CERS3: variants seen among roughly 807,000 people sequenced by gnomAD.
CERS3 encodes the protein LAG1 homolog, ceramide synthase 3.
In CERS3, 33 loss-of-function variants were observed where a neutral mutation model predicts 50.3. The ratio of observed to expected loss-of-function variants is 0.66; its 90% CI spans 0.50 to 0.88. CERS3 has a LOEUF of 0.88. Among genes scored for constraint, CERS3 ranks in the 40% least tolerant of loss-of-function variants. The pLI is 0.00. For synonymous variants in CERS3, 176 were observed against 155.2 expected, an observed-to-expected ratio of 1.13 and a Z score of -0.99; for missense variants, 470 against 460.3, an observed-to-expected ratio of 1.02 and a Z score of -0.19.
intron 11 of CERS3, among the ~76,000 whole-genome samples, chr15:100,440,628 G>C (rs888917312): frequency 6.6e-6 from 1 of 151,960 alleles, no homozygotes; most frequent in Non-Finnish European, 1.5e-5. Context: ...TGTGACTGGA[G>C]GGGGGGAACC....
At chr15:100,523,573 C>T (rs751526140) in intron 1 of CERS3, among the ~76,000 whole-genome samples, 8 of 151,682 alleles carry the variant, frequency 5.3e-5, no homozygotes, top group South Asian at 2.1e-4. Context: ...TGGTGGTGGG[C>T]GCCTGTAGTC....
chr15:100,472,628 T>C (rs2035004569), intron 9 of CERS3, among the ~76,000 whole-genome samples: 1 of 152,120 alleles, frequency 6.6e-6, no homozygotes, highest in African/African-American at 2.4e-5. Flanking sequence ...AAGATTAGAG[T>C]CCATTCCTTC....
chr15:100,449,668 A>G (rs2034080088), intron 11 of CERS3, among the ~76,000 whole-genome samples: 1 of 152,186 alleles, frequency 6.6e-6, no homozygotes. Context: ...TAATGACTAC[A>G]ATATTGCATG....
chr15:100,414,980 T>C (rs1015143618), intron 11 of CERS3, among the ~76,000 whole-genome samples: 6 of 152,066 alleles, frequency 3.9e-5, no homozygotes, highest in East Asian at 3.9e-4. Context: ...AAAGAAACTA[T>C]AACGAGAGTT....
intron 10 of CERS3, among the ~76,000 whole-genome samples, chr15:100,467,765 C>A (rs56387357): frequency 0.14 from 14,813 of 108,666 alleles, 1,184 homozygotes; most frequent in Admixed American, 0.2. Context: ...CTCTCTCTCT[C>A]TCTCTATATA....
At chr15:100,453,699 T>G (rs2034256903) in intron 11 of CERS3, among the ~76,000 whole-genome samples, 1 of 152,132 alleles carries the variant, frequency 6.6e-6, no homozygotes, top group Non-Finnish European at 1.5e-5. Context: ...GAAAAGAGGA[T>G]GTCAAATTGT....
intron 1 of CERS3, among the ~76,000 whole-genome samples, chr15:100,543,696 A>AT (rs1367243145): frequency 6.6e-6 from 1 of 151,882 alleles, no homozygotes; most frequent in Non-Finnish European, 1.5e-5. Flanking sequence ...CGCTCGGCTT[A>AT]TTTTTGTATT....
At chr15:100,404,734 T>A (rs979095652) in intron 11 of CERS3, among the ~76,000 whole-genome samples, 1 of 152,198 alleles carries the variant, frequency 6.6e-6, no homozygotes, top group African/African-American at 2.4e-5. Context: ...TATATAAAGT[T>A]ACAGTAATCC....
intron 10 of CERS3, among the ~76,000 whole-genome samples, chr15:100,462,992 A>C (rs1360368948): frequency 6.6e-6 from 1 of 152,232 alleles, no homozygotes. Context: ...CTTAGGGCAC[A>C]AGGAATTATT....
chr15:100,541,165 T>G (rs1413844531), intron 1 of CERS3, among the ~76,000 whole-genome samples: 1 of 152,010 alleles, frequency 6.6e-6, no homozygotes, highest in Non-Finnish European at 1.5e-5. Context: ...AATGCTGGGG[T>G]CCAGTATCTT....
In CERS3 at chr15:100,431,098, G is replaced by C. The variant is rs145197421; in HGVS notation, c.999+24795C>G. Among the ~76,000 whole-genome samples, 18 of 152,282 alleles carry C rather than the reference G, an allele frequency of 1.2e-4. 1 individual carries two copies. In the East Asian group the frequency reaches 2.5e-3, roughly 21 times the overall value. ...GGGCTGATGGTCAGACTGCACTTTG[G>C]AGAGCATGGTTGTCTGTTAGACCAC... On this transcript the variant is annotated intron_variant, in intron 11 of 11. Coordinates refer to ENST00000679737, the MANE Select transcript of CERS3 (RefSeq NM_001378789.1).
chr15:100,531,470 G>A (rs2036937958), upstream of CERS3, among the ~76,000 whole-genome samples: 1 of 152,176 alleles, frequency 6.6e-6, no homozygotes, highest in Admixed American at 6.5e-5. Context: ...TGGGAGCTGT[G>A]GACCTATGTG....
At chr15:100,416,482 A>G (rs1270048885) in intron 11 of CERS3, among the ~76,000 whole-genome samples, 1 of 152,232 alleles carries the variant, frequency 6.6e-6, no homozygotes, top group Non-Finnish European at 1.5e-5. Flanking sequence ...TCACACTGCT[A>G]TAACGATACT....
intron 1 of CERS3, among the ~76,000 whole-genome samples, chr15:100,534,768 C>T (rs1463851406): frequency 6.6e-6 from 1 of 151,406 alleles, no homozygotes; most frequent in African/African-American, 2.4e-5. Flanking sequence ...TTTCACAATA[C>T]TAATAATAAT....
At chr15:100,464,396 C>G (rs1487833991) in intron 10 of CERS3, among the ~76,000 whole-genome samples, 1 of 152,184 alleles carries the variant, frequency 6.6e-6, no homozygotes, top group Non-Finnish European at 1.5e-5. Context: ...GTTCGTAACA[C>G]CCAGCTGTGA....
intron 11 of CERS3, among the ~76,000 whole-genome samples, chr15:100,440,977 G>A (rs942103548): frequency 3.9e-5 from 6 of 152,150 alleles, no homozygotes; most frequent in Admixed American, 2.0e-4. Flanking sequence ...TTTAATCATT[G>A]CAGGGACGCC....
At chr15:100,462,667 C>G (rs546052918) in intron 10 of CERS3, among the ~76,000 whole-genome samples, 1 of 152,160 alleles carries the variant, frequency 6.6e-6, no homozygotes, top group Non-Finnish European at 1.5e-5. Flanking sequence ...CTTCCATAAC[C>G]AGCTATGTGA....
chr15:100,411,568 G>T (rs918859649), intron 11 of CERS3, among the ~76,000 whole-genome samples: 2 of 152,074 alleles, frequency 1.3e-5, no homozygotes, highest in Admixed American at 1.3e-4. Context: ...CTATATTTTA[G>T]TGATTGTGAA....
intron 11 of CERS3, among the ~76,000 whole-genome samples, chr15:100,407,593 C>T (rs2587840): frequency 0.94 from 143,243 of 152,310 alleles, 68,042 homozygotes; most frequent in East Asian, 1. Flanking sequence ...ATTGCAACTG[C>T]GTATATAAGT....
Sources: allele counts gnomAD v4.1 joint callset (sites outside exome capture counted in the v4.1 genomes callset), GRCh38; gene constraint gnomAD v4.1.1; transcripts MANE v1.5; gene names NCBI Gene and HGNC (gene_info 2026-07-23, HGNC 2026-07-21).